SMARCAD1: variants seen among roughly 807,000 people sequenced by gnomAD.
SMARCAD1 encodes the protein SWI/SNF-related matrix-associated actin-dependent regulator of chromatin subfamily A containing DEAD/H box 1.
Under a neutral mutation model 127.1 loss-of-function variants are expected in SMARCAD1, and 25 were observed. The ratio of observed to expected loss-of-function variants is 0.20; its 90% CI spans 0.14 to 0.27. The LOEUF (loss-of-function observed/expected upper bound fraction) is 0.27. Among genes scored for constraint, SMARCAD1 ranks in the 10% least tolerant of loss-of-function variants. The pLI, the probability that SMARCAD1 is intolerant of heterozygous loss-of-function variation, is 1.00. For synonymous variants in SMARCAD1, 400 were observed against 396.9 expected, an observed-to-expected ratio of 1.01 and a Z score of -0.09; for missense variants, 807 against 1,206.0, an observed-to-expected ratio of 0.67 and a Z score of 4.90.
chr4:94,233,414 A>G (rs1424683934), intron 3 of SMARCAD1, among the ~76,000 whole-genome samples: 1 of 152,248 alleles, frequency 6.6e-6, no homozygotes, highest in East Asian at 1.9e-4. Flanking sequence ...TAGTTGTTGG[A>G]GAATAAACCC....
chr4:94,270,489 A>T (rs1162603016), intron 10 of SMARCAD1: 1 of 435,176 alleles, frequency 2.3e-6, no homozygotes, highest in Non-Finnish European at 4.2e-6. Flanking sequence ...TATTATGACC[A>T]AATATGGAAA....
At chr4:94,218,842 C>T (rs1445086714) in intron 2 of SMARCAD1, among the ~76,000 whole-genome samples, 1 of 152,040 alleles carries the variant, frequency 6.6e-6, no homozygotes, top group Non-Finnish European at 1.5e-5. Flanking sequence ...GACAGAGTCT[C>T]ACTCTGTCAC....
chr4:94,288,997 G>T (rs959358552), intron 23 of SMARCAD1, among the ~76,000 whole-genome samples: 6 of 152,094 alleles, frequency 3.9e-5, no homozygotes, highest in African/African-American at 1.4e-4. Flanking sequence ...TCATCAGCTG[G>T]TATGCTGTGC....
chr4:94,208,233 T>G (rs1238188761), intron 1 of SMARCAD1, 113 bp from the exon 2 acceptor site: 1 of 776,498 alleles, frequency 1.3e-6, no homozygotes, highest in African/African-American at 1.7e-5. Flanking sequence ...ATAACAGTCC[T>G]GAGCCACTGG....
In SMARCAD1 at chr4:94,240,896, G is replaced by A; in HGVS notation, c.605-10G>A. ...GTGCAAAGTTTGAGTGTGCTGCTCT[G>A]CTTTAAAAGGTGGTGGGCCCAGGAA... On this transcript the variant is annotated splice_polypyrimidine_tract_variant and intron_variant, in intron 5 of 23. Transcript: ENST00000354268. 6.2e-7 allele frequency: 1 copy of A among 1,607,868 alleles called. No individual in the cohort carries two copies.
At chr4:94,250,700 G>A (rs1054713755) in intron 7 of SMARCAD1, 52 bp from the exon 8 acceptor site, 1 of 1,265,512 alleles carries the variant, frequency 7.9e-7, no homozygotes, top group Admixed American at 2.0e-5. Context: ...GACGTTTTCT[G>A]CAAGTTGCTA....
intron 3 of SMARCAD1, among the ~76,000 whole-genome samples, chr4:94,233,077 A>G (rs1260394572): frequency 6.6e-6 from 1 of 152,246 alleles, no homozygotes; most frequent in Non-Finnish European, 1.5e-5. Context: ...AACAGAAATA[A>G]CATGAGTACA....
At chr4:94,283,881 A>G (rs895018468) in intron 22 of SMARCAD1, among the ~76,000 whole-genome samples, 17 of 152,142 alleles carry the variant, frequency 1.1e-4, no homozygotes, top group Admixed American at 6.5e-5. Context: ...GTAATTAAAA[A>G]AACTTGCTTG....
chr4:94,254,343 T>TG (rs1196507068), intron 9 of SMARCAD1, among the ~76,000 whole-genome samples: 1 of 152,108 alleles, frequency 6.6e-6, no homozygotes, highest in Admixed American at 6.5e-5. Flanking sequence ...CTTATGTTGT[T>TG]GCAGAGTTGG....
chr4:94,284,352 A>G (rs1362464690), intron 22 of SMARCAD1, among the ~76,000 whole-genome samples: 7 of 100,954 alleles, frequency 6.9e-5, no homozygotes, highest in Non-Finnish European at 1.1e-4. Context: ...AAAAAAAAAA[A>G]AGAAAAAAGT....
At chr4:94,229,691 G>A (rs1358659141) in intron 3 of SMARCAD1, among the ~76,000 whole-genome samples, 1 of 152,056 alleles carries the variant, frequency 6.6e-6, no homozygotes, top group African/African-American at 2.4e-5. Flanking sequence ...TGCTGCTGGT[G>A]AGGTAGGAAT....
At chr4:94,209,154 TTGAG>T (rs1445011758) in intron 2 of SMARCAD1, among the ~76,000 whole-genome samples, 1 of 152,234 alleles carries the variant, frequency 6.6e-6, no homozygotes, top group Non-Finnish European at 1.5e-5. Context: ...ACAAAAGTAT[TTGAG>T]GATAAGCCAA....
chr4:94,252,926 A>G lies in SMARCAD1; in HGVS notation c.1200A>G (p.Glu400=). 1 of 1,614,060 alleles carries G rather than the reference A, an allele frequency of 6.2e-7. No homozygotes were observed. The highest frequency in any genetic ancestry group is 8.5e-7 in the Non-Finnish European group (1 of 1,179,994). ...LHFLQDASIG[E]LTLIPQCSQK... ...TCCTTCAAGATGCTTCAATTGGTGA[A>G]CTTACTTTGATTCCTCAGTGTTCTC... The change falls in exon 9 of 24, where the codon GAA becomes GAG. Residue 400 remains glutamate (E), a synonymous_variant. Coordinates refer to ENST00000354268, the MANE Select transcript of SMARCAD1 (RefSeq NM_020159.5).
rs1288502454 is a variant in SMARCAD1 at position 94,234,053 on chromosome 4, C to T, written c.468C>T (p.Asp156=). 1 of 1,613,620 alleles carries T rather than the reference C, an allele frequency of 6.2e-7. No individual in the cohort carries two copies. Among genetic ancestry groups the T allele is most frequent in the East Asian group, 2.2e-5 (1 of 44,824 alleles). ...TGGAAGACCTTTCGGAATTGGAAGA[C>T]CTTAAAGATGCTAAACTTCAGACTT... The part of the protein sequence containing the change: ...SELEDLSELE[D]LKDAKLQTLK... The change falls in exon 4 of 24, where the codon GAC becomes GAT. Residue 156 remains aspartate (D), a synonymous_variant. Coordinates refer to ENST00000354268, the MANE Select transcript of SMARCAD1 (RefSeq NM_020159.5).
intron 2 of SMARCAD1, among the ~76,000 whole-genome samples, chr4:94,213,431 A>G (rs1174427884): frequency 6.6e-6 from 1 of 152,172 alleles, no homozygotes; most frequent in East Asian, 1.9e-4. Flanking sequence ...ATTATAGAAC[A>G]GGAGGTTTTA....
At chr4:94,237,711 T>A (rs78811245) in intron 5 of SMARCAD1, among the ~76,000 whole-genome samples, 1 of 152,080 alleles carries the variant, frequency 6.6e-6, no homozygotes, top group Non-Finnish European at 1.5e-5. Context: ...AAAAATCATA[T>A]AATAATTTGT....
Position 94,277,148 on chromosome 4 carries a change from T to A in SMARCAD1, c.2071T>A (p.Ser691Thr). The A allele has an allele frequency of 6.2e-7, 1 of 1,614,052 alleles. No homozygotes were observed. The change falls in exon 16 of 24, where the codon TCC (serine) becomes ACC (threonine). Residue 691 changes from serine (S) to threonine (T), a missense_variant. By Grantham distance (58) the Ser-to-Thr change is moderately conservative (BLOSUM62 1). Coordinates refer to ENST00000354268, the MANE Select transcript of SMARCAD1 (RefSeq NM_020159.5). ...CACCAGTGAAATACGAAGAATGTTT[T>A]CCTCTAAGACAGTAAGCATAAATGC... ...SSTSEIRRMF[S>T]SKTKSADEQS...
intron 9 of SMARCAD1, chr4:94,253,209 T>G: frequency 6.6e-7 from 1 of 1,508,928 alleles, no homozygotes; most frequent in Non-Finnish European, 8.9e-7. Flanking sequence ...AAGGGGTGAT[T>G]TTCCTGAAAA....
chr4:94,209,520 G>A (rs1031077219), intron 2 of SMARCAD1, among the ~76,000 whole-genome samples: 3 of 152,164 alleles, frequency 2.0e-5, no homozygotes, highest in African/African-American at 4.8e-5. Flanking sequence ...TTCGTAAACA[G>A]CTTTTAACTT....
Sources: gnomAD v4.1 joint callset for allele counts (sites outside exome capture counted in the v4.1 genomes callset) on GRCh38, gnomAD v4.1.1 for gene constraint, MANE v1.5 for transcripts, NCBI Gene and HGNC (gene_info 2026-07-23, HGNC 2026-07-21) for gene names.